Variants in TTC7B observed in about 807,000 individuals in gnomAD.
TTC7B encodes tetratricopeptide repeat domain 7B.
In TTC7B, 28 loss-of-function variants were observed where a neutral mutation model predicts 106.8. The ratio of observed to expected loss-of-function variants is 0.26; its 90% CI spans 0.19 to 0.36. The LOEUF is 0.36. Among genes scored for constraint, TTC7B ranks in the 10% least tolerant of loss-of-function variants. The pLI is 1.00. For missense variants in TTC7B, 862 were observed against 1,076.4 expected (o/e 0.80, Z 2.79); for synonymous variants, 405 against 430.6 (o/e 0.94, Z 0.74).
chr14:90,725,232 C>T (rs746225589), intron 5 of TTC7B, among the ~76,000 whole-genome samples: 1 of 152,220 alleles, frequency 6.6e-6, no homozygotes, highest in Non-Finnish European at 1.5e-5. Flanking sequence ...GGCTAAGTTG[C>T]TCAAGCACCA....
intron 13 of TTC7B, among the ~76,000 whole-genome samples, chr14:90,650,767 G>A (rs1042513418): frequency 1.3e-5 from 2 of 152,182 alleles, no homozygotes; most frequent in African/African-American, 4.8e-5. Flanking sequence ...CAGAAGCTTT[G>A]CAAACAATAT....
chr14:90,711,478 C>G (rs1742089), intron 5 of TTC7B, among the ~76,000 whole-genome samples: 50,618 of 152,078 alleles, frequency 0.33, 8,748 homozygotes, highest in Middle Eastern at 0.39. Context: ...CTGGAGTGCA[C>G]TGGTGCAATA....
rs576139830 is a variant in TTC7B at position 90,660,209 on chromosome 14, C to A, written c.1153-1822G>T. ...GACCAGCTAAGGCAACATAGCGAGA[C>A]CCCTGTCTCTACAAAAAAAAATTAG... On this transcript the variant is annotated intron_variant, in intron 9 of 19. Coordinates refer to ENST00000328459, the MANE Select transcript of TTC7B (RefSeq NM_001010854.2). 3.3e-5 allele frequency among the ~76,000 whole-genome samples: 5 copies of A among 151,226 alleles called. No homozygotes were observed. The South Asian group carries it at 1.0e-3, about 32-fold the overall frequency.
At chr14:90,719,364 T>C (rs768442830) in intron 5 of TTC7B, among the ~76,000 whole-genome samples, 83 of 152,242 alleles carry the variant, frequency 5.5e-4, no homozygotes, top group Non-Finnish European at 9.8e-4. Context: ...ATGTCAATTA[T>C]GTTACTAGGC....
chr14:90,582,321 T>G (rs772904248), intron 18 of TTC7B, among the ~76,000 whole-genome samples: 6 of 152,224 alleles, frequency 3.9e-5, no homozygotes, highest in Non-Finnish European at 7.3e-5. Context: ...CTGCGCCTCA[T>G]GTGTGGCCTT....
rs1595273881 is a variant in TTC7B, at chr14:90,678,747, G to A, written c.1014+1725C>T. ...ATCACTTCAATTAAGAAGCAGGAGAGTTGGAGATATCATTCCAAAGACATC... is the reference window on the plus strand; with the variant it reads ...ATCACTTCAATTAAGAAGCAGGAGAATTGGAGATATCATTCCAAAGACATC... On this transcript the variant is annotated intron_variant, in intron 8 of 19. Coordinates refer to ENST00000328459, the MANE Select transcript of TTC7B (RefSeq NM_001010854.2). Among the ~76,000 whole-genome samples the A allele has an allele frequency of 2.6e-5, 4 of 152,322 alleles. No homozygotes were observed. The South Asian group carries it at 8.3e-4, about 32-fold the overall frequency.
rs558303116 is a variant in TTC7B at position 90,610,789 on chromosome 14, C to A, written c.1919G>T (p.Arg640Leu). The change falls in exon 17 of 20, where the codon CGA becomes CTA. Residue 640 changes from arginine (R) to leucine (L), a missense_variant. By Grantham distance (102) the Arg-to-Leu change is moderately radical. Coordinates refer to ENST00000328459, the MANE Select transcript of TTC7B (RefSeq NM_001010854.2). ...SLLDRTIADR[R>L]QLNTITLPDF... Reference sequence around the variant, plus strand: ...TGGCAAAGTAATTGTATTAAGCTGTCGTCTGTCAGCAATGGTTCTATCTAA... The same window carrying A: ...TGGCAAAGTAATTGTATTAAGCTGTAGTCTGTCAGCAATGGTTCTATCTAA... The A allele has an allele frequency of 1.2e-6, 2 of 1,613,986 alleles. No homozygotes were observed. The highest frequency in any genetic ancestry group is 1.3e-5 in the African/African-American group (1 of 75,006).
At chr14:90,779,606 G>C (rs1020905010) in intron 3 of TTC7B, among the ~76,000 whole-genome samples, 1 of 152,092 alleles carries the variant, frequency 6.6e-6, no homozygotes, top group East Asian at 1.9e-4. Context: ...ACCTGGTCGA[G>C]ATTTTAAAAT....
In TTC7B at chr14:90,807,945, T is replaced by C. The variant is rs1839481064; in HGVS notation, c.121+8230A>G. ...ATTCTAACAAGCTGTCTAGAAGTGA[T>C]TCTTTGATCCAATCAGTTTAGAAAA... On this transcript the variant is annotated intron_variant, in intron 1 of 19. Transcript: ENST00000328459. The surrounding 1 kb of genome is among the most constrained non-coding windows in gnomAD (Gnocchi z 4.1). 6.6e-6 allele frequency among the ~76,000 whole-genome samples: 1 copy of C among 152,220 alleles called. No homozygotes were observed. Among genetic ancestry groups the C allele is most frequent in the Non-Finnish European group, 1.5e-5 (1 of 68,034 alleles).
intron 6 of TTC7B, among the ~76,000 whole-genome samples, chr14:90,694,100 T>A (rs1279829040): frequency 1.3e-5 from 2 of 152,088 alleles, no homozygotes; most frequent in Non-Finnish European, 2.9e-5. Flanking sequence ...AGAAAGCCAA[T>A]CACAAAAAGA....
chr14:90,796,706 G>A (rs1448083537), intron 1 of TTC7B, among the ~76,000 whole-genome samples: 4 of 152,190 alleles, frequency 2.6e-5, no homozygotes, highest in Admixed American at 2.0e-4. Context: ...TATGTCAATA[G>A]AGAAGTATTT....
intron 17 of TTC7B, among the ~76,000 whole-genome samples, chr14:90,603,730 A>C (rs540907305): frequency 4.6e-5 from 7 of 152,344 alleles, no homozygotes; most frequent in Admixed American, 1.3e-4. Context: ...AAATTCATAC[A>C]ACTTCAGATC....
At chr14:90,715,735 A>G (rs1888630914) in intron 5 of TTC7B, among the ~76,000 whole-genome samples, 1 of 152,074 alleles carries the variant, frequency 6.6e-6, no homozygotes, top group Non-Finnish European at 1.5e-5. Flanking sequence ...CGAGCACGTA[A>G]AGTGTATCTG....
At chr14:90,580,707 G>A (rs1276353303) in intron 18 of TTC7B, among the ~76,000 whole-genome samples, 2 of 152,206 alleles carry the variant, frequency 1.3e-5, no homozygotes, top group African/African-American at 4.8e-5. Context: ...CTCCTTCAGG[G>A]CCCAGATGGA....
chr14:90,580,577 G>A lies in TTC7B; in HGVS notation c.2108-2269C>T, dbSNP rs541538926. Among the ~76,000 whole-genome samples, 19 of 152,196 alleles carry A rather than the reference G, an allele frequency of 1.2e-4. No homozygotes were observed. The South Asian group carries it at 2.9e-3, about 23-fold the overall frequency. ...ACACTGCCCTTATCTGCTTCCTACCGCCTCCCGGAACCCCCGGGCTCTGGC... is the reference window on the plus strand; with the variant it reads ...ACACTGCCCTTATCTGCTTCCTACCACCTCCCGGAACCCCCGGGCTCTGGC... On this transcript the variant is annotated intron_variant, in intron 18 of 19. Transcript: ENST00000328459.
chr14:90,782,255 T>C (rs528832831), intron 2 of TTC7B, among the ~76,000 whole-genome samples: 8 of 152,124 alleles, frequency 5.3e-5, no homozygotes, highest in East Asian at 1.9e-4. Flanking sequence ...CCAGAGGAAT[T>C]AGAATTACAT....
At position 90,796,992 on chromosome 14, in the gene TTC7B, C is replaced by T. The variant is rs760855212; in HGVS notation, c.122-10664G>A. Among the ~76,000 whole-genome samples, 82 of 151,336 alleles carry T rather than the reference C, an allele frequency of 5.4e-4. 1 individual carries two copies. Among genetic ancestry groups the T allele is most frequent in the Middle Eastern group, 6.9e-3 (2 of 290 alleles). ...TCCCGAGTAGCTGGGATTACAGGCGCGCACCACCACACCAGGCTAATTTTT... is the reference window on the plus strand; with the variant it reads ...TCCCGAGTAGCTGGGATTACAGGCGTGCACCACCACACCAGGCTAATTTTT... On this transcript the variant is annotated intron_variant, in intron 1 of 19. Coordinates refer to ENST00000328459, the MANE Select transcript of TTC7B (RefSeq NM_001010854.2).
At position 90,575,417 on chromosome 14, in the gene TTC7B, G is replaced by A. The variant is rs1014270253; in HGVS notation, c.2310+2689C>T. ...CTCCTCCTGGGCCTCTAGGGTATAC[G>A]TGAAGACCCCCTTCCTCCCTTCCTC... On this transcript the variant is annotated intron_variant, in intron 19 of 19. Transcript: ENST00000328459. The surrounding 1 kb of genome is among the most constrained non-coding windows in gnomAD (Gnocchi z 5.2). 8.5e-5 allele frequency among the ~76,000 whole-genome samples: 13 copies of A among 152,224 alleles called. No individual in the cohort carries two copies. Among genetic ancestry groups the A allele is most frequent in the African/African-American group, 2.7e-4 (11 of 41,464 alleles).
chr14:90,700,751 C>T (rs1887952724), intron 5 of TTC7B, among the ~76,000 whole-genome samples: 1 of 110,772 alleles, frequency 9.0e-6, no homozygotes, highest in Admixed American at 9.9e-5. Context: ...ATTGTCAACA[C>T]TTACAACTCC....
Sources: allele counts gnomAD v4.1 joint callset (sites outside exome capture counted in the v4.1 genomes callset), GRCh38; gene constraint gnomAD v4.1.1; non-coding constraint Gnocchi (gnomAD v3.1); transcripts MANE v1.5; gene names NCBI Gene and HGNC (gene_info 2026-07-23, HGNC 2026-07-21).